Variants in CAMKK2 observed in about 807,000 individuals in gnomAD.
CAMKK2 encodes calcium/calmodulin dependent protein kinase kinase 2.
In CAMKK2, 30 loss-of-function variants were observed where a neutral mutation model predicts 67.2. The observed-to-expected ratio is 0.45, with a 90% CI of 0.33 to 0.61. CAMKK2 has a LOEUF of 0.61. CAMKK2 is among the 20% of genes least tolerant of loss of function. CAMKK2 has a pLI of 0.02. For missense variants in CAMKK2, 643 were observed against 802.0 expected (o/e 0.80, Z 2.39); for synonymous variants, 322 against 326.2 (o/e 0.99, Z 0.14).
At chr12:121,241,371 C>A (rs1342326902) in intron 16 of CAMKK2, among the ~76,000 whole-genome samples, 1 of 152,194 alleles carries the variant, frequency 6.6e-6, no homozygotes, top group African/African-American at 2.4e-5. Flanking sequence ...CAAGAAAGGG[C>A]AGATGACAAC....
In CAMKK2 at chr12:121,239,443, G is replaced by A. The variant is rs1354843792; in HGVS notation, c.*1256C>T. The A allele has an allele frequency of 1.3e-5, 2 of 152,214 alleles. No homozygotes were observed. Among genetic ancestry groups the A allele is most frequent in the African/African-American group, 2.4e-5 (1 of 41,452 alleles). 9.4% of individuals were successfully genotyped at this position (152,214 alleles called of 1,614,324 possible). On this transcript the variant is annotated 3_prime_UTR_variant, in exon 17 of 17. Coordinates refer to ENST00000404169, the MANE Select transcript of CAMKK2 (RefSeq NM_001270485.2). The stretch of plus-strand genomic sequence containing the variant: ...TACAAAGGGGAACTTCCTGTGCCAA[G>A]CCCTGGTTTCCTCATACCCCAACGA...
At position 121,245,097 on chromosome 12, in the gene CAMKK2, C is replaced by T; in HGVS notation, c.1553+43G>A. 7.2e-7 allele frequency: 1 copy of T among 1,385,456 alleles called. No individual in the cohort carries two copies. Among genetic ancestry groups the T allele is most frequent in the African/African-American group, 1.4e-5 (1 of 70,036 alleles). 85.8% of individuals were successfully genotyped at this position (1,385,456 alleles called of 1,614,324 possible). On this transcript the variant is annotated intron_variant, in intron 15 of 16. Coordinates refer to ENST00000404169, the MANE Select transcript of CAMKK2 (RefSeq NM_001270485.2). The surrounding 1 kb of genome is among the most constrained non-coding windows in gnomAD (Gnocchi z 5.8). ...GGCAGGGCTGCCCCAAGCCTAGCCT[C>T]CAGCCACCACTCCCCCACCCAAGAA... is the stretch of plus-strand genomic sequence containing the variant.
intron 16 of CAMKK2, 125 bp downstream of exon 16, chr12:121,244,448 C>T (rs1295370777): frequency 1.3e-5 from 12 of 938,766 alleles, no homozygotes; most frequent in Admixed American, 5.2e-5. Context: ...CGCGGTGAGC[C>T]GGGCCACAGC....
Position 121,240,865 on chromosome 12 carries a change from G to A in CAMKK2, c.1601C>T (p.Ala534Val). The A allele has an allele frequency of 6.2e-7, 1 of 1,612,408 alleles. No individual in the cohort carries two copies. The highest frequency in any genetic ancestry group is 1.1e-5 in the South Asian group (1 of 91,060). The change falls in exon 17 of 17, where the codon GCA becomes GTA. Residue 534 changes from alanine (A) to valine (V), a missense_variant. Ala to Val is a moderately conservative substitution (Grantham distance 64, BLOSUM62 0). This residue lies in a region of CAMKK2 where 140 missense variants were observed against 124.2 expected (regional missense o/e 1.13). Transcript: ENST00000404169. This position sits in a 1 kb window ranked among gnomAD's most constrained non-coding sequence, Gnocchi z 4.4. ...ECESLSELKE[A>V]RQRRQPPGHR... ...CCCTGGAGGTTGTCTTCGCTGCCTT[G>A]CTTCCTGCTCACCGAACAGAAAACC...
At chr12:121,254,024 G>T (rs1891326412) in intron 9 of CAMKK2, among the ~76,000 whole-genome samples, 1 of 152,290 alleles carries the variant, frequency 6.6e-6, no homozygotes, top group African/African-American at 2.4e-5. Context: ...CATTTCTGGG[G>T]TGATGATGAT....
At chr12:121,294,689 T>G (rs984568303) in intron 1 of CAMKK2, among the ~76,000 whole-genome samples, 1 of 152,138 alleles carries the variant, frequency 6.6e-6, no homozygotes, top group Non-Finnish European at 1.5e-5. Flanking sequence ...TTCTATAAAA[T>G]GGGGCTAAAT....
At chr12:121,273,478 G>A (rs1896160495) in intron 2 of CAMKK2, among the ~76,000 whole-genome samples, 1 of 152,072 alleles carries the variant, frequency 6.6e-6, no homozygotes, top group African/African-American at 2.4e-5. Flanking sequence ...CAGGGTTTAC[G>A]GTAAGGGTCC....
chr12:121,297,807 C>T, upstream of CAMKK2: 1 of 450,126 alleles, frequency 2.2e-6, no homozygotes, highest in Non-Finnish European at 4.5e-6. Flanking sequence ...ATTTCTAGGC[C>T]GTAGGGACAC....
In CAMKK2 at chr12:121,249,679, C is replaced by T. The variant is rs1021613392; in HGVS notation, c.1323+108G>A. ...GAGGCCCTGGGGCATAGGAGAACAG[C>T]GGTGCCAAGGAGGGTGTGGTGCTGT... On this transcript the variant is annotated intron_variant, in intron 13 of 16. Transcript: ENST00000404169. The T allele has an allele frequency of 2.0e-5, 18 of 910,644 alleles. No homozygotes were observed. In the East Asian group the frequency reaches 2.9e-4, roughly 15 times the overall value. 56.4% of individuals were successfully genotyped at this position (910,644 alleles called of 1,614,324 possible).
At chr12:121,280,638 G>A (rs866624471) in intron 1 of CAMKK2, among the ~76,000 whole-genome samples, 6 of 152,062 alleles carry the variant, frequency 3.9e-5, no homozygotes, top group East Asian at 1.9e-4. Flanking sequence ...AAGAGAATGC[G>A]TACCTAGGGG....
Position 121,253,414 on chromosome 12 carries a change from T to A in CAMKK2, c.966A>T (p.Glu322Asp), listed in dbSNP as rs1891191774. The A allele has an allele frequency of 6.2e-7, 1 of 1,614,060 alleles. No homozygotes were observed. Among genetic ancestry groups the A allele is most frequent in the Non-Finnish European group, 8.5e-7 (1 of 1,180,036 alleles). ...AGTCAGCGATCTTGATGTGCCCATCTTCTCCGACCAGGAGGTTGGAAGGTT... is the reference window on the plus strand; with the variant it reads ...AGTCAGCGATCTTGATGTGCCCATCATCTCCGACCAGGAGGTTGGAAGGTT... ...DIKPSNLLVG[E>D]DGHIKIADFG... The change falls in exon 10 of 17, where the codon GAA (glutamate) becomes GAT (aspartate). Residue 322 changes from glutamate (E) to aspartate (D), a missense_variant. Coordinates refer to ENST00000404169, the MANE Select transcript of CAMKK2 (RefSeq NM_001270485.2). The surrounding 1 kb of genome is among the most constrained non-coding windows in gnomAD (Gnocchi z 5.0).
In CAMKK2 at chr12:121,282,549, G is replaced by C. The variant is rs531911670; in HGVS notation, c.-59-7964C>G. On this transcript the variant is annotated intron_variant, in intron 1 of 16. Coordinates refer to ENST00000404169, the MANE Select transcript of CAMKK2 (RefSeq NM_001270485.2). Reference sequence around the variant, plus strand: ...AGACACACAGCCAGCCAGCACGGAGGGGGAAGGCCACACGGAGATGGAGGC... The same window carrying C: ...AGACACACAGCCAGCCAGCACGGAGCGGGAAGGCCACACGGAGATGGAGGC... Among the ~76,000 whole-genome samples the C allele has an allele frequency of 3.3e-5, 5 of 152,164 alleles. No individual in the cohort carries two copies. The South Asian group carries it at 6.2e-4, about 19-fold the overall frequency.
Position 121,244,476 on chromosome 12 carries a change from G to A in CAMKK2, c.1596+97C>T, listed in dbSNP as rs1454408557. ...GCCACAGCAGCCCAGGCTGGAAGGAGCATCTGCCCGGGTGGGGATGCCCCC... is the reference window on the plus strand; with the variant it reads ...GCCACAGCAGCCCAGGCTGGAAGGAACATCTGCCCGGGTGGGGATGCCCCC... On this transcript the variant is annotated intron_variant, in intron 16 of 16. Coordinates refer to ENST00000404169, the MANE Select transcript of CAMKK2 (RefSeq NM_001270485.2). The A allele has an allele frequency of 3.0e-5, 35 of 1,168,658 alleles. No individual in the cohort carries two copies. The East Asian group carries it at 9.0e-4, about 30-fold the overall frequency. The allele number at this position is 1,168,658 out of a possible 1,614,324, so 72.4% of individuals were successfully genotyped here.
In CAMKK2 at chr12:121,274,428, G is replaced by A. The variant is rs1203582280; in HGVS notation, c.99C>T (p.Pro33=). 2 of 1,613,098 alleles carry A rather than the reference G, an allele frequency of 1.2e-6. No homozygotes were observed. Among genetic ancestry groups the A allele is most frequent in the Non-Finnish European group, 1.7e-6 (2 of 1,179,958 alleles). Reference sequence around the variant, plus strand: ...ATGAGAGGCCCCGCAGGGCCTCACAGGGCTTCTGGCTTTCGCTGCTGCTGC... The same window carrying A: ...ATGAGAGGCCCCGCAGGGCCTCACAAGGCTTCTGGCTTTCGCTGCTGCTGC... ...RGSSSSESQK[P]CEALRGLSSL... is the part of the protein sequence containing the mutation. Residue 33 remains proline (P), a synonymous_variant, in exon 2 of 17, where the codon CCC becomes CCT. Coordinates refer to ENST00000404169, the MANE Select transcript of CAMKK2 (RefSeq NM_001270485.2).
At chr12:121,251,556 C>T (rs1278626545) in intron 11 of CAMKK2, among the ~76,000 whole-genome samples, 1 of 152,116 alleles carries the variant, frequency 6.6e-6, no homozygotes, top group African/African-American at 2.4e-5. Context: ...CGTGGTGGCT[C>T]ACACCTGTAA....
At chr12:121,281,432 C>T (rs1260358229) in intron 1 of CAMKK2, among the ~76,000 whole-genome samples, 1 of 152,236 alleles carries the variant, frequency 6.6e-6, no homozygotes, top group Non-Finnish European at 1.5e-5. Flanking sequence ...CCCGGGACAT[C>T]AATGTCCTCC....
At chr12:121,272,545 T>G (rs547233707) in intron 2 of CAMKK2, among the ~76,000 whole-genome samples, 2 of 152,104 alleles carry the variant, frequency 1.3e-5, no homozygotes, top group South Asian at 2.1e-4. Flanking sequence ...GCCTTCAAAA[T>G]GTAGTCCCTA....
intron 8 of CAMKK2, 43 bp downstream of exon 8, chr12:121,255,740 A>G: frequency 6.2e-7 from 1 of 1,612,520 alleles, no homozygotes; most frequent in Non-Finnish European, 8.5e-7. Flanking sequence ...ATGCAGCTAC[A>G]GAAGCTTCTT....
intron 1 of CAMKK2, among the ~76,000 whole-genome samples, chr12:121,294,106 T>A (rs1331654848): frequency 2.6e-5 from 4 of 151,570 alleles, no homozygotes. Flanking sequence ...CTAATTTTTG[T>A]ATTTTTAGTA....
Sources: allele counts gnomAD v4.1 joint callset (sites outside exome capture counted in the v4.1 genomes callset), GRCh38; gene constraint gnomAD v4.1.1; regional missense constraint gnomAD v4.1.1; non-coding constraint Gnocchi (gnomAD v3.1); transcripts MANE v1.5; gene names NCBI Gene and HGNC (gene_info 2026-07-23, HGNC 2026-07-21).